Variants in ST18 observed in about 807,000 individuals in gnomAD.
The protein encoded by ST18 is ST18 C2H2C-type zinc finger transcription factor, also known as suppression of tumorigenicity 18 protein.
ST18 carries 50 observed loss-of-function variants against 110.0 expected under a neutral mutation model. That is an observed-to-expected ratio of 0.45 (90% confidence interval 0.36 to 0.58). The LOEUF (loss-of-function observed/expected upper bound fraction) is 0.58, where lower values mean the gene tolerates loss of function less well. Ranked by LOEUF, ST18 falls within the 20% of genes least tolerant of loss-of-function variation. The pLI is 0.00. For synonymous variants in ST18, 461 were observed against 452.4 expected (o/e 1.02, Z -0.24); for missense variants, 1,306 against 1,280.1 (o/e 1.02, Z -0.31).
chr8:52,333,101 C>T (rs1207406641), intron 2 of ST18, among the ~76,000 whole-genome samples: 1 of 152,052 alleles, frequency 6.6e-6, no homozygotes, highest in Admixed American at 6.5e-5. Context: ...TGATGTCCAC[C>T]TTCTTGGGCC....
chr8:52,135,491 C>T (rs557388517), intron 19 of ST18, among the ~76,000 whole-genome samples: 13 of 132,958 alleles, frequency 9.8e-5, no homozygotes, highest in African/African-American at 2.0e-4. Context: ...ACCTGGGAGG[C>T]GGAGGTTGCA....
chr8:52,345,374 G>A (rs1394338597), intron 2 of ST18, among the ~76,000 whole-genome samples: 1 of 152,212 alleles, frequency 6.6e-6, no homozygotes, highest in Admixed American at 6.5e-5. Context: ...CAATTGCAGA[G>A]GGCTTGGCAA....
At chr8:52,175,817 C>T (rs897865597) in intron 9 of ST18, among the ~76,000 whole-genome samples, 1 of 152,148 alleles carries the variant, frequency 6.6e-6, no homozygotes, top group Non-Finnish European at 1.5e-5. Context: ...ACCAGGGCTG[C>T]GTGGCTCCCA....
intron 17 of ST18, among the ~76,000 whole-genome samples, chr8:52,140,092 C>A (rs553670517): frequency 7.9e-5 from 12 of 152,252 alleles, no homozygotes; most frequent in African/African-American, 2.9e-4. Flanking sequence ...TTTTGGTAAG[C>A]AATCAAGGTA....
At chr8:52,240,173 C>T (rs146816398) in intron 2 of ST18, among the ~76,000 whole-genome samples, 1,795 of 152,096 alleles carry the variant, frequency 0.012, 36 homozygotes, top group African/African-American at 0.042. Flanking sequence ...GCTAGCTTTT[C>T]TGGTTCTCAT....
At chr8:52,144,526 CAATT>C (rs1317239217) in intron 16 of ST18, among the ~76,000 whole-genome samples, 2 of 152,040 alleles carry the variant, frequency 1.3e-5, no homozygotes, top group Non-Finnish European at 2.9e-5. Flanking sequence ...ACAATTCAAT[CAATT>C]ATTTCACACA....
chr8:52,253,645 G>T (rs902249427), intron 2 of ST18, among the ~76,000 whole-genome samples: 7 of 151,932 alleles, frequency 4.6e-5, no homozygotes, highest in African/African-American at 1.7e-4. Context: ...TTTAATATTG[G>T]TTATTCATAT....
At chr8:52,258,004 A>G (rs1474571961) in intron 2 of ST18, among the ~76,000 whole-genome samples, 1 of 152,204 alleles carries the variant, frequency 6.6e-6, no homozygotes, top group Non-Finnish European at 1.5e-5. Flanking sequence ...GTGAATATCC[A>G]GTTGTTCCAG....
chr8:52,396,894 T>TA (rs1841339675), intron 2 of ST18, among the ~76,000 whole-genome samples: 1 of 152,220 alleles, frequency 6.6e-6, no homozygotes, highest in Admixed American at 6.5e-5. Context: ...AATGAACACT[T>TA]ACGTTGTTTC....
intron 2 of ST18, among the ~76,000 whole-genome samples, chr8:52,267,111 G>A (rs1455062607): frequency 6.6e-6 from 1 of 152,146 alleles, no homozygotes; most frequent in Non-Finnish European, 1.5e-5. Context: ...TGCTTGGAAT[G>A]ACTTCTGCGA....
chr8:52,232,713 T>A (rs1047702678), intron 2 of ST18, among the ~76,000 whole-genome samples: 3 of 152,056 alleles, frequency 2.0e-5, no homozygotes, highest in Non-Finnish European at 1.5e-5. Flanking sequence ...ACAAGGGTAT[T>A]TTGCAATACT....
At chr8:52,363,467 G>A (rs1045950162) in intron 2 of ST18, among the ~76,000 whole-genome samples, 4 of 152,088 alleles carry the variant, frequency 2.6e-5, no homozygotes, top group African/African-American at 9.7e-5. Flanking sequence ...CATGGGCTCG[G>A]TGTGAATTAT....
intron 7 of ST18, among the ~76,000 whole-genome samples, 162 bp from the exon 8 acceptor site, chr8:52,212,271 G>A (rs2082450274): frequency 6.6e-6 from 1 of 152,182 alleles, no homozygotes; most frequent in Admixed American, 6.5e-5. Context: ...GAGGACAGAT[G>A]GATATGGCCC....
At chr8:52,295,599 C>T (rs1212219533) in intron 2 of ST18, among the ~76,000 whole-genome samples, 2 of 152,018 alleles carry the variant, frequency 1.3e-5, no homozygotes, top group African/African-American at 2.4e-5. Flanking sequence ...CTGACTTCCC[C>T]CTTTTAAAAA....
At chr8:52,255,531 C>G (rs532041245) in intron 2 of ST18, among the ~76,000 whole-genome samples, 1 of 152,262 alleles carries the variant, frequency 6.6e-6, no homozygotes, top group South Asian at 2.1e-4. Flanking sequence ...GTTTTGAAAA[C>G]ACCCTCTACA....
At chr8:52,255,709 G>GA (rs1564344953) in intron 2 of ST18, among the ~76,000 whole-genome samples, 1 of 152,054 alleles carries the variant, frequency 6.6e-6, no homozygotes, top group East Asian at 1.9e-4. Context: ...GTGTCCATTA[G>GA]AAAAAAGACA....
chr8:52,197,747 A>G (rs1394857030), intron 8 of ST18, among the ~76,000 whole-genome samples: 1 of 152,154 alleles, frequency 6.6e-6, no homozygotes. Context: ...AGGAAGGGAA[A>G]GAAGTGTGCA....
intron 2 of ST18, among the ~76,000 whole-genome samples, chr8:52,331,472 C>A (rs1048590982): frequency 6.6e-6 from 1 of 151,942 alleles, no homozygotes; most frequent in African/African-American, 2.4e-5. Flanking sequence ...CACACATACA[C>A]AAGTAACCAA....
intron 22 of ST18, among the ~76,000 whole-genome samples, 194 bp from the exon 23 acceptor site, chr8:52,126,334 G>A (rs1361420569): frequency 6.6e-6 from 1 of 152,212 alleles, no homozygotes; most frequent in Admixed American, 6.5e-5. Context: ...AATGTAAAAT[G>A]TTTTGCTTTC....
Sources: allele counts gnomAD v4.1 joint callset (sites outside exome capture counted in the v4.1 genomes callset), GRCh38; gene constraint gnomAD v4.1.1; transcripts MANE v1.5; gene names NCBI Gene and HGNC (gene_info 2026-07-23, HGNC 2026-07-21).